Variants in SMYD3 observed in about 807,000 individuals in gnomAD.
The protein encoded by SMYD3 is histone-lysine N-methyltransferase SMYD3.
SMYD3 carries 36 observed loss-of-function variants against 57.7 expected under a neutral mutation model. That is an observed-to-expected ratio of 0.62 (90% confidence interval 0.48 to 0.82). The LOEUF (loss-of-function observed/expected upper bound fraction) is 0.82. Ranked by LOEUF, SMYD3 falls within the 40% of genes least tolerant of loss-of-function variation. The pLI is 0.00. For synonymous variants in SMYD3, 211 were observed against 195.0 expected (o/e 1.08, Z -0.68); for missense variants, 515 against 538.8 (o/e 0.96, Z 0.44).
intron 5 of SMYD3, among the ~76,000 whole-genome samples, chr1:245,968,124 C>A (rs1415576791): frequency 3.3e-5 from 5 of 150,834 alleles, no homozygotes; most frequent in Non-Finnish European, 7.4e-5. Context: ...CTACTTCCCC[C>A]TCAATTTATC....
intron 10 of SMYD3, among the ~76,000 whole-genome samples, chr1:245,776,959 G>A (rs909234045): frequency 5.3e-5 from 8 of 152,170 alleles, no homozygotes; most frequent in Admixed American, 5.2e-4. Flanking sequence ...TAAGTAGGAG[G>A]ATGTATGGCT....
chr1:245,829,765 G>A (rs1326545195), intron 10 of SMYD3, among the ~76,000 whole-genome samples: 1 of 152,130 alleles, frequency 6.6e-6, no homozygotes, highest in East Asian at 1.9e-4. Flanking sequence ...AGATAAATAT[G>A]CAACATTCAT....
chr1:246,131,647 T>C (rs2061590082), intron 5 of SMYD3, among the ~76,000 whole-genome samples: 1 of 152,218 alleles, frequency 6.6e-6, no homozygotes. Context: ...TTGTCTTTTG[T>C]CTATTGAAAT....
At chr1:246,007,813 A>AC (rs2059203306) in intron 5 of SMYD3, among the ~76,000 whole-genome samples, 1 of 142,064 alleles carries the variant, frequency 7.0e-6, no homozygotes, top group African/African-American at 2.5e-5. Context: ...CCAGACCCTG[A>AC]CCAAAAAAAA....
chr1:245,796,420 C>T (rs1340347868), intron 10 of SMYD3, among the ~76,000 whole-genome samples: 1 of 151,968 alleles, frequency 6.6e-6, no homozygotes, highest in East Asian at 1.9e-4. Flanking sequence ...TTACAGGACA[C>T]TGCCAAATAG....
intron 5 of SMYD3, among the ~76,000 whole-genome samples, chr1:246,224,006 T>G (rs2063291999): frequency 1.3e-5 from 2 of 152,152 alleles, no homozygotes; most frequent in African/African-American, 4.8e-5. Flanking sequence ...AGGATTTAGA[T>G]TCTTCTATTT....
In SMYD3 at chr1:245,749,646, C is replaced by T; in HGVS notation, c.1204G>A (p.Val402Met). Residue 402 changes from valine (V) to methionine (M), a missense_variant, in exon 12 of 12, where the codon GTG becomes ATG. Coordinates refer to ENST00000490107, the MANE Select transcript of SMYD3 (RefSeq NM_001167740.2). ...AGGCTGTGTTCTCTGCCATGTGTCA[C>T]TCTCATAATATCAAAAGCCTAAAGA... ...NLRLAFDIMR[V>M]THGREHSLIE... is the part of the protein sequence containing the mutation. The T allele has an allele frequency of 6.2e-7, 1 of 1,613,998 alleles. No homozygotes were observed.
intron 5 of SMYD3, among the ~76,000 whole-genome samples, chr1:246,028,218 A>G (rs1422290088): frequency 1.3e-5 from 2 of 152,168 alleles, no homozygotes; most frequent in Non-Finnish European, 2.9e-5. Context: ...AAAATCAATA[A>G]TGAGTAGTGG....
chr1:245,873,832 A>T (rs986827884), intron 8 of SMYD3, among the ~76,000 whole-genome samples: 1 of 152,184 alleles, frequency 6.6e-6, no homozygotes, highest in Non-Finnish European at 1.5e-5. Context: ...AGGCAGCACT[A>T]CGGAAGTGGA....
chr1:245,942,370 A>G (rs1047498268), intron 5 of SMYD3, among the ~76,000 whole-genome samples: 1 of 152,394 alleles, frequency 6.6e-6, no homozygotes, highest in Admixed American at 6.5e-5. Flanking sequence ...GCAAAGATCA[A>G]AAAAGACAAA....
At chr1:246,043,812 T>C (rs889349335) in intron 5 of SMYD3, among the ~76,000 whole-genome samples, 4 of 152,178 alleles carry the variant, frequency 2.6e-5, no homozygotes, top group Non-Finnish European at 5.9e-5. Context: ...CAGCGTGCCT[T>C]CCCCTTCCTC....
intron 10 of SMYD3, among the ~76,000 whole-genome samples, chr1:245,778,342 T>C (rs760926539): frequency 1.3e-4 from 20 of 152,214 alleles, no homozygotes; most frequent in Admixed American, 4.6e-4. Context: ...TGGAGCACAA[T>C]AGAAATTCAA....
chr1:246,505,355 C>G (rs2068520244), intron 1 of SMYD3, among the ~76,000 whole-genome samples: 1 of 152,024 alleles, frequency 6.6e-6, no homozygotes, highest in South Asian at 2.1e-4. Flanking sequence ...TCACTGAGGA[C>G]TTTGAATAAA....
chr1:245,889,030 T>C (rs1281626627), intron 8 of SMYD3, among the ~76,000 whole-genome samples: 5 of 152,154 alleles, frequency 3.3e-5, no homozygotes, highest in African/African-American at 1.2e-4. Context: ...ACTATATAAA[T>C]AGTGAGCCCC....
At chr1:246,245,411 C>T (rs1352698149) in intron 5 of SMYD3, among the ~76,000 whole-genome samples, 3 of 146,014 alleles carry the variant, frequency 2.1e-5, no homozygotes, top group African/African-American at 7.9e-5. Context: ...CCACTGTACT[C>T]TAGCCTGGGT....
intron 5 of SMYD3, among the ~76,000 whole-genome samples, chr1:245,997,231 A>G (rs36047166): frequency 0.52 from 78,508 of 152,166 alleles, 23,726 homozygotes; most frequent in Middle Eastern, 0.69. Context: ...GAAAAAGATC[A>G]ATTTGTTAAA....
intron 11 of SMYD3, among the ~76,000 whole-genome samples, chr1:245,757,028 A>G (rs1342276231): frequency 6.6e-6 from 1 of 152,084 alleles, no homozygotes; most frequent in Admixed American, 6.5e-5. Flanking sequence ...TTAACTCTTG[A>G]GTAGCATTAA....
At chr1:245,779,089 G>A (rs1449162510) in intron 10 of SMYD3, among the ~76,000 whole-genome samples, 1 of 151,708 alleles carries the variant, frequency 6.6e-6, no homozygotes, top group Non-Finnish European at 1.5e-5. Flanking sequence ...GAACCCAGAA[G>A]GAGGAGGGTG....
intron 10 of SMYD3, among the ~76,000 whole-genome samples, chr1:245,798,090 T>C (rs2047631438): frequency 2.2e-5 from 2 of 92,490 alleles, no homozygotes; most frequent in Admixed American, 8.9e-5. Context: ...AACATTCTTA[T>C]TTTTTTTTTT....
Sources: allele counts gnomAD v4.1 joint callset (sites outside exome capture counted in the v4.1 genomes callset), GRCh38; gene constraint gnomAD v4.1.1; transcripts MANE v1.5; gene names NCBI Gene and HGNC (gene_info 2026-07-23, HGNC 2026-07-21).